The following LAMA2 variants were observed in gnomAD, a reference collection of about 807,000 sequenced individuals.
LAMA2 encodes the protein laminin subunit alpha-2.
A neutral mutation model predicts 364.8 loss-of-function variants in LAMA2; 269 were observed. The observed-to-expected ratio is 0.74, with a 90% CI of 0.67 to 0.82. The LOEUF is 0.82. LAMA2 is among the 40% of genes least tolerant of loss of function. The pLI, the probability that LAMA2 is intolerant of heterozygous loss-of-function variation, is 0.00. For synonymous variants in LAMA2, 1,379 were observed against 1,370.6 expected (o/e 1.01, Z -0.14); for missense variants, 3,807 against 3,873.2 (o/e 0.98, Z 0.45).
At chr6:129,363,550 A>C (rs575738266) in intron 32 of LAMA2, among the ~76,000 whole-genome samples, 27 of 152,320 alleles carry the variant, frequency 1.8e-4, no homozygotes, top group East Asian at 9.6e-4. Context: ...CCGATTATAC[A>C]TTTCTAATAA....
intron 51 of LAMA2, among the ~76,000 whole-genome samples, chr6:129,468,902 T>C (rs1193240180): frequency 4.0e-5 from 6 of 151,678 alleles, no homozygotes; most frequent in Non-Finnish European, 7.4e-5. Context: ...GGGAGACATA[T>C]GGAGGGAGAG....
At chr6:129,274,597 TAGAG>T (rs200297838) in intron 17 of LAMA2, among the ~76,000 whole-genome samples, 1,806 of 152,124 alleles carry the variant, frequency 0.012, 35 homozygotes, top group African/African-American at 0.041. Flanking sequence ...TGTAAGAAGA[TAGAG>T]ATAGATTGGT....
chr6:129,408,514 T>G (rs1038544831), intron 40 of LAMA2, among the ~76,000 whole-genome samples: 9 of 152,138 alleles, frequency 5.9e-5, no homozygotes, highest in African/African-American at 1.7e-4. Flanking sequence ...CGGATGGTAC[T>G]CTTGGCAGAA....
At chr6:129,133,097 C>G (rs1777584541) in intron 4 of LAMA2, among the ~76,000 whole-genome samples, 1 of 152,168 alleles carries the variant, frequency 6.6e-6, no homozygotes, top group Non-Finnish European at 1.5e-5. Flanking sequence ...AACATCCTTA[C>G]AGTTGTACAC....
At chr6:129,099,813 G>A (rs1186511818) in intron 4 of LAMA2, among the ~76,000 whole-genome samples, 2 of 152,042 alleles carry the variant, frequency 1.3e-5, no homozygotes, top group Non-Finnish European at 2.9e-5. Flanking sequence ...ATTCCAAATG[G>A]TACTCTCAGC....
intron 17 of LAMA2, 123 bp from the exon 18 acceptor site, chr6:129,279,938 G>A (rs1788604353): frequency 2.7e-6 from 2 of 739,778 alleles, no homozygotes; most frequent in Non-Finnish European, 4.9e-6. Context: ...TCTCTGGGGT[G>A]AGAATGACCA....
intron 12 of LAMA2, among the ~76,000 whole-genome samples, chr6:129,198,884 A>G (rs984969319): frequency 2.0e-5 from 3 of 152,178 alleles, no homozygotes; most frequent in Non-Finnish European, 4.4e-5. Flanking sequence ...AAACCTTCCA[A>G]TGAAGTTAAC....
intron 18 of LAMA2, among the ~76,000 whole-genome samples, chr6:129,280,626 T>C (rs2114392678): frequency 6.6e-6 from 1 of 152,330 alleles, no homozygotes; most frequent in South Asian, 2.1e-4. Context: ...TTATATCCTC[T>C]TCTAATTGCT....
intron 4 of LAMA2, among the ~76,000 whole-genome samples, chr6:129,114,540 G>T (rs572008884): frequency 2.0e-5 from 3 of 151,986 alleles, no homozygotes; most frequent in Admixed American, 1.3e-4. Context: ...TTGCTTGTTT[G>T]TTTGTTTTGT....
chr6:128,913,802 A>T lies in LAMA2; in HGVS notation c.112+30445A>T, dbSNP rs542123746. 1.4e-4 allele frequency among the ~76,000 whole-genome samples: 21 copies of T among 152,270 alleles called. No homozygotes were observed. The East Asian group carries it at 3.7e-3, about 27-fold the overall frequency. On this transcript the variant is annotated intron_variant, in intron 1 of 64. Coordinates refer to ENST00000421865, the MANE Select transcript of LAMA2 (RefSeq NM_000426.4). ...CTCAGCACATGGAGAATCTAAATTA[A>T]ATGAGTTTATAATTGAGGTTTGTGT...
At chr6:129,407,037 T>A (rs538086562) in intron 40 of LAMA2, among the ~76,000 whole-genome samples, 7 of 152,278 alleles carry the variant, frequency 4.6e-5, no homozygotes, top group African/African-American at 1.7e-4. Flanking sequence ...GGGTGAAAGA[T>A]GAAGGCTGGA....
intron 1 of LAMA2, among the ~76,000 whole-genome samples, chr6:128,995,867 A>G (rs76613019): frequency 0.021 from 3,181 of 152,286 alleles, 113 homozygotes; most frequent in African/African-American, 0.072. Context: ...ATAGATCACT[A>G]AATAAGTACT....
intron 38 of LAMA2, among the ~76,000 whole-genome samples, chr6:129,401,805 T>C (rs1779989940): frequency 6.6e-6 from 1 of 151,638 alleles, no homozygotes; most frequent in Non-Finnish European, 1.5e-5. Flanking sequence ...TAGATAGGCT[T>C]TTCTTGGTCT....
Position 128,883,479 on chromosome 6 carries a change from C to T in LAMA2, c.112+122C>T, listed in dbSNP as rs983343861. 4.7e-6 allele frequency: 7 copies of T among 1,487,368 alleles called. 1 individual carries two copies. Among genetic ancestry groups the T allele is most frequent in the Admixed American group, 3.9e-5 (2 of 50,828 alleles). The allele number at this position is 1,487,368 out of a possible 1,614,324, so 92.1% of individuals were successfully genotyped here. On this transcript the variant is annotated intron_variant, in intron 1 of 64. Coordinates refer to ENST00000421865, the MANE Select transcript of LAMA2 (RefSeq NM_000426.4). ...TCTTGCTTCGCCTTCAGAGAGTGCG[C>T]TCTGGGGCAAGAGGAACTTGAAGCA... is the stretch of plus-strand genomic sequence containing the variant.
intron 56 of LAMA2, among the ~76,000 whole-genome samples, chr6:129,489,963 C>CTAAAG (rs1268392744): frequency 6.6e-6 from 1 of 151,802 alleles, no homozygotes; most frequent in Non-Finnish European, 1.5e-5. Flanking sequence ...TATTACAATA[C>CTAAAG]TAAAGTAATA....
chr6:129,323,880 C>G (rs1775113973), intron 28 of LAMA2, among the ~76,000 whole-genome samples: 1 of 152,182 alleles, frequency 6.6e-6, no homozygotes, highest in Non-Finnish European at 1.5e-5. Context: ...GGGCTTTAGG[C>G]TTGCAGTTGA....
intron 1 of LAMA2, among the ~76,000 whole-genome samples, chr6:129,015,628 G>A (rs970022108): frequency 3.9e-5 from 6 of 152,004 alleles, no homozygotes; most frequent in Non-Finnish European, 5.9e-5. Context: ...TGGTACGAAT[G>A]TCAAAGAAAG....
chr6:129,371,884 G>A (rs527510636), intron 34 of LAMA2, among the ~76,000 whole-genome samples: 1 of 152,214 alleles, frequency 6.6e-6, no homozygotes, highest in African/African-American at 2.4e-5. Flanking sequence ...TGGGATTACA[G>A]GCATGAGCCA....
intron 12 of LAMA2, among the ~76,000 whole-genome samples, chr6:129,216,046 A>G (rs1783403958): frequency 6.6e-6 from 1 of 152,172 alleles, no homozygotes; most frequent in African/African-American, 2.4e-5. Flanking sequence ...TTACTGTGCA[A>G]GGCAAAAATG....
Sources: allele counts gnomAD v4.1 joint callset (sites outside exome capture counted in the v4.1 genomes callset), GRCh38; gene constraint gnomAD v4.1.1; transcripts MANE v1.5; gene names NCBI Gene and HGNC (gene_info 2026-07-23, HGNC 2026-07-21).